Variants in CTNNA3 observed in about 807,000 individuals in gnomAD.
CTNNA3 encodes catenin alpha-3.
A neutral mutation model predicts 95.7 loss-of-function variants in CTNNA3; 76 were observed. The ratio of observed to expected loss-of-function variants is 0.79; its 90% CI spans 0.66 to 0.96. The LOEUF (loss-of-function observed/expected upper bound fraction) is 0.96. Ranked by LOEUF, CTNNA3 falls within the 40% of genes least tolerant of loss-of-function variation. CTNNA3 has a pLI of 0.00. For missense variants in CTNNA3, 1,191 were observed against 1,089.8 expected (o/e 1.09, Z -1.31); for synonymous variants, 431 against 374.4 (o/e 1.15, Z -1.74).
chr10:66,629,121 T>C (rs1845044063), intron 9 of CTNNA3, among the ~76,000 whole-genome samples: 1 of 152,062 alleles, frequency 6.6e-6, no homozygotes, highest in African/African-American at 2.4e-5. Context: ...AAGAGGATGA[T>C]ATCATATATC....
At chr10:66,371,917 G>C (rs535288198) in intron 12 of CTNNA3, among the ~76,000 whole-genome samples, 1 of 152,246 alleles carries the variant, frequency 6.6e-6, no homozygotes, top group South Asian at 2.1e-4. Flanking sequence ...GATATTTTAT[G>C]ATTTATTCCA....
chr10:67,510,400 A>C (rs1236907537), intron 5 of CTNNA3, among the ~76,000 whole-genome samples: 1 of 151,648 alleles, frequency 6.6e-6, no homozygotes, highest in African/African-American at 2.4e-5. Flanking sequence ...TCAGCTTTCT[A>C]CATATGGCTA....
intron 7 of CTNNA3, among the ~76,000 whole-genome samples, chr10:67,068,954 G>C (rs1856265810): frequency 6.6e-6 from 1 of 152,192 alleles, no homozygotes; most frequent in Non-Finnish European, 1.5e-5. Context: ...CAGCTACTCA[G>C]GAGGCTGAGG....
Position 67,186,893 on chromosome 10 carries a change from T to C in CTNNA3, c.844-6373A>G, listed in dbSNP as rs186473619. 2.4e-4 allele frequency among the ~76,000 whole-genome samples: 36 copies of C among 152,328 alleles called. 2 individuals carry two copies. The East Asian group carries it at 6.9e-3, about 29-fold the overall frequency. On this transcript the variant is annotated intron_variant, in intron 6 of 17. Transcript: ENST00000433211. ...CCCAACTCCATATTCTTCTATTATATTATTTTGTTTAAAAGAGTAAGTATA... is the reference window on the plus strand; with the variant it reads ...CCCAACTCCATATTCTTCTATTATACTATTTTGTTTAAAAGAGTAAGTATA...
chr10:67,388,731 C>T (rs2132759746), intron 5 of CTNNA3, among the ~76,000 whole-genome samples: 1 of 152,204 alleles, frequency 6.6e-6, no homozygotes, highest in East Asian at 1.9e-4. Flanking sequence ...ACCCTACAAA[C>T]CAGAAGAGAG....
At chr10:66,414,958 C>T (rs1274317736) in intron 11 of CTNNA3, among the ~76,000 whole-genome samples, 5 of 152,084 alleles carry the variant, frequency 3.3e-5, no homozygotes, top group Non-Finnish European at 7.4e-5. Context: ...GCTTCTCCAC[C>T]CAAGGCTGAG....
chr10:66,962,347 C>T (rs899221539), intron 7 of CTNNA3, among the ~76,000 whole-genome samples: 1 of 152,050 alleles, frequency 6.6e-6, no homozygotes, highest in African/African-American at 2.4e-5. Flanking sequence ...GCCTATAATA[C>T]TCTTGCCCCA....
intron 13 of CTNNA3, among the ~76,000 whole-genome samples, chr10:66,124,205 G>T (rs966425898): frequency 6.6e-6 from 1 of 152,036 alleles, no homozygotes; most frequent in Admixed American, 6.5e-5. Flanking sequence ...AATTTCTTCT[G>T]CCAGATACCC....
chr10:66,125,881 C>A (rs2082806847), intron 13 of CTNNA3, among the ~76,000 whole-genome samples: 1 of 152,070 alleles, frequency 6.6e-6, no homozygotes, highest in South Asian at 2.1e-4. Context: ...GAAGCGCAGG[C>A]CTTTTTTGAC....
chr10:66,613,237 TCTC>T lies in CTNNA3; in HGVS notation c.1374+8452_1374+8454del, dbSNP rs1381172316. On this transcript the variant is annotated intron_variant, in intron 10 of 17. Coordinates refer to ENST00000433211, the MANE Select transcript of CTNNA3 (RefSeq NM_013266.4). ...CCACTTGAGTTTGATGGCCATGACT[TCTC>T]CTCCACAAATTCTGTTTCTTCTGCC... is the stretch of plus-strand genomic sequence containing the variant. Among the ~76,000 whole-genome samples, 4 of 152,086 alleles carry T rather than the reference TCTC, an allele frequency of 2.6e-5. 1 individual carries two copies. The highest frequency in any genetic ancestry group is 5.9e-5 in the Non-Finnish European group (4 of 68,008).
At chr10:67,585,710 G>C (rs1477546184) in intron 3 of CTNNA3, among the ~76,000 whole-genome samples, 2 of 151,786 alleles carry the variant, frequency 1.3e-5, no homozygotes, top group Admixed American at 1.3e-4. Flanking sequence ...TTTTACATGA[G>C]TCTTCCATCT....
At chr10:67,286,727 C>CATTTTTT (rs1839617480) in intron 5 of CTNNA3, among the ~76,000 whole-genome samples, 1 of 152,210 alleles carries the variant, frequency 6.6e-6, no homozygotes, top group African/African-American at 2.4e-5. Context: ...GGAAGGCCTT[C>CATTTTTT]ATGATACAAG....
At chr10:67,253,064 C>T (rs1374810783) in intron 5 of CTNNA3, among the ~76,000 whole-genome samples, 1 of 152,060 alleles carries the variant, frequency 6.6e-6, no homozygotes, top group Non-Finnish European at 1.5e-5. Context: ...AAAGGAATAA[C>T]TTTATGGGTT....
At chr10:66,324,516 C>T (rs1049262698) in intron 12 of CTNNA3, among the ~76,000 whole-genome samples, 3 of 152,124 alleles carry the variant, frequency 2.0e-5, no homozygotes, top group Non-Finnish European at 4.4e-5. Flanking sequence ...GCTAAGACAG[C>T]ATTGTAACAC....
chr10:66,664,270 C>T (rs912045400), intron 9 of CTNNA3, among the ~76,000 whole-genome samples: 1 of 152,034 alleles, frequency 6.6e-6, no homozygotes, highest in African/African-American at 2.4e-5. Context: ...TACTCTTGCC[C>T]TGTCACATCT....
chr10:67,285,559 C>A (rs992758383), intron 5 of CTNNA3, among the ~76,000 whole-genome samples: 1 of 152,034 alleles, frequency 6.6e-6, no homozygotes, highest in Admixed American at 6.6e-5. Flanking sequence ...AAATAGCCAT[C>A]AAAAATGAAA....
rs147448130 is a variant in CTNNA3 at position 66,175,178 on chromosome 10, G to GCA, written c.1885-71931_1885-71930dup. ...GGCCCCACAGAATCAACACACACAT[G>GCA]CACACACACACACACTCACAACCCT... On this transcript the variant is annotated intron_variant, in intron 13 of 17. Coordinates refer to ENST00000433211, the MANE Select transcript of CTNNA3 (RefSeq NM_013266.4). 3.0e-4 allele frequency among the ~76,000 whole-genome samples: 46 copies of GCA among 150,956 alleles called. No homozygotes were observed. The South Asian group carries it at 7.3e-3, about 24-fold the overall frequency.
At chr10:66,157,160 C>A (rs894101891) in intron 13 of CTNNA3, among the ~76,000 whole-genome samples, 2 of 151,850 alleles carry the variant, frequency 1.3e-5, no homozygotes, top group African/African-American at 2.4e-5. Context: ...GTATACGCTG[C>A]ACCTTATTTG....
intron 11 of CTNNA3, among the ~76,000 whole-genome samples, chr10:66,492,727 A>G (rs1839966153): frequency 6.6e-6 from 1 of 152,150 alleles, no homozygotes; most frequent in African/African-American, 2.4e-5. Flanking sequence ...AGAATTCTGG[A>G]ATGTGATTTG....
Sources: gnomAD v4.1 joint callset for allele counts (sites outside exome capture counted in the v4.1 genomes callset) on GRCh38, gnomAD v4.1.1 for gene constraint, MANE v1.5 for transcripts, NCBI Gene and HGNC (gene_info 2026-07-23, HGNC 2026-07-21) for gene names.